PCDHGA3: variants seen among roughly 807,000 people sequenced by gnomAD.
PCDHGA3 encodes the protein protocadherin gamma-A3.
In PCDHGA3, 40 loss-of-function variants were observed where a neutral mutation model predicts 58.5. That is an observed-to-expected ratio of 0.68 (90% CI 0.53 to 0.89). The LOEUF is 0.89. Ranked by LOEUF, PCDHGA3 falls within the 40% of genes least tolerant of loss-of-function variation. PCDHGA3 has a pLI of 0.00. For synonymous variants in PCDHGA3, 530 were observed against 525.7 expected (o/e 1.01, Z -0.11); for missense variants, 1,223 against 1,195.9 (o/e 1.02, Z -0.33).
intron 1 of PCDHGA3, chr5:141,364,768 G>C: frequency 6.2e-7 from 1 of 1,613,956 alleles, no homozygotes; most frequent in Non-Finnish European, 8.5e-7. Context: ...ATGAAAATGC[G>C]GCTGCAGGGA....
In PCDHGA3 at chr5:141,491,721, C is replaced by T. The variant is rs761584159; in HGVS notation, c.2425-3086C>T. On this transcript the variant is annotated intron_variant, in intron 1 of 3. Transcript: ENST00000253812. The surrounding 1 kb of genome is among the most constrained non-coding windows in gnomAD (Gnocchi z 6.9). The stretch of plus-strand genomic sequence containing the variant: ...GCCAGGTGAGGGGCTCGGCGCCGCC[C>T]CGGGCGACCCCTGGGGGCGGCACTG... 3 of 1,607,250 alleles carry T rather than the reference C, an allele frequency of 1.9e-6. No homozygotes were observed. Among genetic ancestry groups the T allele is most frequent in the Admixed American group, 1.7e-5 (1 of 58,860 alleles).
intron 1 of PCDHGA3, chr5:141,367,483 G>A (rs971322037): frequency 1.5e-4 from 23 of 152,288 alleles, no homozygotes; most frequent in African/African-American, 5.5e-4. Flanking sequence ...CTTGCAGTAA[G>A]CCGAGATCGC....
intron 1 of PCDHGA3, chr5:141,422,847 C>G (rs1271794821): frequency 7.4e-6 from 12 of 1,614,234 alleles, no homozygotes; most frequent in Non-Finnish European, 1.0e-5. Context: ...ACAGCGGGGA[C>G]CCGCCCCTCA....
chr5:141,427,034 A>G (rs762633589), intron 1 of PCDHGA3: 7 of 457,110 alleles, frequency 1.5e-5, no homozygotes, highest in Non-Finnish European at 2.6e-5. Flanking sequence ...TCAGCCTTAG[A>G]GAGAATGTGC....
chr5:141,431,355 C>T lies in PCDHGA3; in HGVS notation c.2425-63452C>T. 1 of 1,614,054 alleles carries T rather than the reference C, an allele frequency of 6.2e-7. No homozygotes were observed. Among genetic ancestry groups the T allele is most frequent in the South Asian group, 1.1e-5 (1 of 91,082 alleles). ...TACCCCGAATTGGTGCTGAAACGCG[C>T]CCTGGACCGCGAAGAAAAGGCTGCT... On this transcript the variant is annotated intron_variant, in intron 1 of 3. Transcript: ENST00000253812. The surrounding 1 kb of genome is among the most constrained non-coding windows in gnomAD (Gnocchi z 4.8).
At position 141,426,367 on chromosome 5, in the gene PCDHGA3, G is replaced by A. The variant is rs557191606; in HGVS notation, c.2425-68440G>A. The A allele has an allele frequency of 8.2e-4, 168 of 204,486 alleles. 3 individuals are homozygous for A. The South Asian group carries it at 0.014, about 17-fold the overall frequency. 12.7% of individuals were successfully genotyped at this position (204,486 alleles called of 1,614,324 possible). ...TTTCCTGCTGCCTTTGTTCTGCGGG[G>A]CACCCTCGGAGCAGATCCGCTACTC... is the stretch of plus-strand genomic sequence containing the variant. On this transcript the variant is annotated intron_variant, in intron 1 of 3. Transcript: ENST00000253812.
rs765969768 is a variant in PCDHGA3, at chr5:141,421,456, G to A, written c.2425-73351G>A. ...CTCCAGAGGGAAGACACAGCTTTTC[G>A]CTGTGAATCCGCGAAGCGGCAGCTT... is the stretch of plus-strand genomic sequence containing the variant. On this transcript the variant is annotated intron_variant, in intron 1 of 3. Transcript: ENST00000253812. 9.3e-6 allele frequency: 15 copies of A among 1,614,132 alleles called. No homozygotes were observed. Among genetic ancestry groups the A allele is most frequent in the Non-Finnish European group, 1.1e-5 (13 of 1,179,948 alleles).
chr5:141,508,901 C>T (rs1466455227), intron 3 of PCDHGA3, among the ~76,000 whole-genome samples: 1 of 151,946 alleles, frequency 6.6e-6, no homozygotes, highest in South Asian at 2.1e-4. Flanking sequence ...GGGGGCGGGG[C>T]GGTGGCGGAT....
At chr5:141,393,197 T>C (rs1470064881) in intron 1 of PCDHGA3, 1 of 1,613,448 alleles carries the variant, frequency 6.2e-7, no homozygotes, top group South Asian at 1.1e-5. Context: ...ATATTAACGA[T>C]AATAACCCAA....
At chr5:141,394,001 G>C in intron 1 of PCDHGA3, 1 of 1,613,458 alleles carries the variant, frequency 6.2e-7, no homozygotes, top group Non-Finnish European at 8.5e-7. Flanking sequence ...AATTAGAAAA[G>C]TCAATAGGTA....
In PCDHGA3 at chr5:141,505,574, CCT is replaced by C. The variant is rs562555098; in HGVS notation, c.2572+94_2572+95del. 5.3e-5 allele frequency: 85 copies of C among 1,593,636 alleles called. No individual in the cohort carries two copies. The African/African-American group carries it at 1.0e-3, about 20-fold the overall frequency. On this transcript the variant is annotated intron_variant, in intron 3 of 3. Coordinates refer to ENST00000253812, the MANE Select transcript of PCDHGA3 (RefSeq NM_018916.4). ...CCATGCCCACGGACTGGATGTCAAACCTGTGTAGTTTCTCCAGATCTTTCGGC... is the reference window on the plus strand; with the variant it reads ...CCATGCCCACGGACTGGATGTCAAACGTGTAGTTTCTCCAGATCTTTCGGC...
At position 141,431,141 on chromosome 5, in the gene PCDHGA3, G is replaced by C. The variant is rs1262504427; in HGVS notation, c.2425-63666G>C. 1 of 1,614,094 alleles carries C rather than the reference G, an allele frequency of 6.2e-7. No individual in the cohort carries two copies. The highest frequency in any genetic ancestry group is 2.2e-5 in the East Asian group (1 of 44,896). On this transcript the variant is annotated intron_variant, in intron 1 of 3. Coordinates refer to ENST00000253812, the MANE Select transcript of PCDHGA3 (RefSeq NM_018916.4). The surrounding 1 kb of genome is among the most constrained non-coding windows in gnomAD (Gnocchi z 4.8). The stretch of plus-strand genomic sequence containing the variant: ...AGAAGTAGAAGTAAGGGACATTAAC[G>C]ACAATGCGCCTTACTTTCGTGAAAG...
chr5:141,357,682 G>T, intron 1 of PCDHGA3: 1 of 1,578,696 alleles, frequency 6.3e-7, no homozygotes, highest in Non-Finnish European at 8.6e-7. Context: ...TTGTGTAAAT[G>T]TCTCTCATTT....
At chr5:141,475,583 G>A (rs1181419200) in intron 1 of PCDHGA3, among the ~76,000 whole-genome samples, 1 of 152,198 alleles carries the variant, frequency 6.6e-6, no homozygotes, top group Non-Finnish European at 1.5e-5. Context: ...CAGATTTGTT[G>A]GTGTTTTTCC....
rs773825932 is a variant in PCDHGA3, at chr5:141,370,445, A to G, written c.2424+23988A>G. ...GCCCAGCAGGGCAGAGGCGAATGCT[A>G]TTTCTCTTCCTGCTCTCTTTGTTAG... On this transcript the variant is annotated intron_variant, in intron 1 of 3. Coordinates refer to ENST00000253812, the MANE Select transcript of PCDHGA3 (RefSeq NM_018916.4). The G allele has an allele frequency of 5.0e-6, 8 of 1,608,064 alleles. No homozygotes were observed. In the Admixed American group the frequency reaches 5.1e-5, roughly 10 times the overall value.
intron 1 of PCDHGA3, chr5:141,374,459 A>C: frequency 1.9e-6 from 3 of 1,613,448 alleles, no homozygotes; most frequent in Non-Finnish European, 1.7e-6. Flanking sequence ...AATAGTGGAC[A>C]TTAATGACAA....
chr5:141,365,651 A>C (rs774193854), intron 1 of PCDHGA3: 53 of 1,613,528 alleles, frequency 3.3e-5, no homozygotes, highest in Non-Finnish European at 4.3e-5. Flanking sequence ...CATCCCCTTG[A>C]AAGTAGCAGA....
At chr5:141,395,186 G>A in intron 1 of PCDHGA3, 1 of 1,614,086 alleles carries the variant, frequency 6.2e-7, no homozygotes, top group Non-Finnish European at 8.5e-7. Flanking sequence ...ATGATTCTTT[G>A]TTAACATCCG....
In PCDHGA3 at chr5:141,491,533, C is replaced by G. The variant is rs758270791; in HGVS notation, c.2425-3274C>G. 4.3e-6 allele frequency: 7 copies of G among 1,614,010 alleles called. No homozygotes were observed. The highest frequency in any genetic ancestry group is 5.1e-6 in the Non-Finnish European group (6 of 1,180,028). ...GCTCAAGTACATGGAGGTGACGCTGCGGCCCACAGACTCGCAGAGCCACTG... is the reference window on the plus strand; with the variant it reads ...GCTCAAGTACATGGAGGTGACGCTGGGGCCCACAGACTCGCAGAGCCACTG... On this transcript the variant is annotated intron_variant, in intron 1 of 3. Transcript: ENST00000253812. The surrounding 1 kb of genome is among the most constrained non-coding windows in gnomAD (Gnocchi z 6.9).
Sources: gnomAD v4.1 joint callset for allele counts (sites outside exome capture counted in the v4.1 genomes callset) on GRCh38, gnomAD v4.1.1 for gene constraint, Gnocchi (gnomAD v3.1) non-coding constraint, MANE v1.5 for transcripts, NCBI Gene and HGNC (gene_info 2026-07-23, HGNC 2026-07-21) for gene names.